DMD: variants seen among roughly 807,000 people sequenced by gnomAD.
DMD encodes the protein dystrophin.
DMD carries 63 observed loss-of-function variants against 330.1 expected under a neutral mutation model. The ratio of observed to expected loss-of-function variants is 0.19; its 90% CI spans 0.16 to 0.24. The LOEUF is 0.24. DMD is among the 10% of genes least tolerant of loss of function. The pLI is 1.00. For missense variants in DMD, 3,344 were observed against 2,684.1 expected, an observed-to-expected ratio of 1.25 and a Z score of -5.43; for synonymous variants, 1,223 against 959.8, an observed-to-expected ratio of 1.27 and a Z score of -5.07.
At chrX:32,750,705 A>T (rs779021737) in intron 7 of DMD, among the ~76,000 whole-genome samples, 1 of 110,583 alleles carries the variant, frequency 9.0e-6, no homozygotes, top group African/African-American at 3.3e-5. Flanking sequence ...TTGTCCTCCT[A>T]TTTGGTGTGC....
chrX:32,669,769 G>A (rs893806430), intron 9 of DMD, among the ~76,000 whole-genome samples: 12 of 110,965 alleles, frequency 1.1e-4, no homozygotes, highest in Admixed American at 1.9e-4. Context: ...AGCTTCATAA[G>A]TCCCAGGGTT....
At chrX:32,462,535 A>C (rs1484489681) in intron 25 of DMD, among the ~76,000 whole-genome samples, 1 of 111,824 alleles carries the variant, frequency 8.9e-6, no homozygotes, top group African/African-American at 3.2e-5. Context: ...AATATAAGAG[A>C]GATATCTATA....
At position 32,649,559 on chromosome X, in the gene DMD, T is replaced by TAA. The variant is rs1161462889; in HGVS notation, c.961-4409_961-4408dup. On this transcript the variant is annotated intron_variant, in intron 9 of 78. Coordinates refer to ENST00000357033, the MANE Select transcript of DMD (RefSeq NM_004006.3). Reference sequence around the variant, plus strand: ...CAAAACAGCAAGACTCCGTCTCTTTTAAAAAAAAAAAAAAAAAAAAAAAAG... The same window carrying TAA: ...CAAAACAGCAAGACTCCGTCTCTTTTAAAAAAAAAAAAAAAAAAAAAAAAAAG... 4.5e-3 allele frequency among the ~76,000 whole-genome samples: 244 copies of TAA among 54,235 alleles called. 3 individuals are homozygous for TAA. The highest frequency in any genetic ancestry group is 9.9e-3 in the Middle Eastern group (1 of 101). 47.1% of individuals were successfully genotyped at this position (54,235 alleles called of 115,157 possible).
chrX:32,311,809 TTGAA>T (rs1158594500), intron 41 of DMD, among the ~76,000 whole-genome samples: 110 of 112,020 alleles, frequency 9.8e-4, no homozygotes, highest in Non-Finnish European at 2.6e-4. Flanking sequence ...AGCAGGCTAT[TTGAA>T]TGTGAAATTT....
intron 60 of DMD, among the ~76,000 whole-genome samples, chrX:31,430,489 G>A (rs1378004847): frequency 9.0e-6 from 1 of 111,547 alleles, no homozygotes; most frequent in Non-Finnish European, 1.9e-5. Context: ...CAGTGGCAAA[G>A]GGGCCACCAC....
At chrX:31,797,350 C>T (rs1437414189) in intron 50 of DMD, among the ~76,000 whole-genome samples, 5 of 110,225 alleles carry the variant, frequency 4.5e-5, no homozygotes, top group Non-Finnish European at 5.7e-5. Context: ...TGTGCAATCT[C>T]AGAAACTAAC....
chrX:33,079,866 C>T (rs779889763), intron 1 of DMD, among the ~76,000 whole-genome samples: 1 of 111,495 alleles, frequency 9.0e-6, no homozygotes, highest in Admixed American at 9.6e-5. Context: ...CCAATAAAGA[C>T]AGCATGAGGA....
At chrX:32,834,383 T>A (rs2079424174) in intron 4 of DMD, among the ~76,000 whole-genome samples, 1 of 111,916 alleles carries the variant, frequency 8.9e-6, no homozygotes, top group Non-Finnish European at 1.9e-5. Context: ...AAATATGTAT[T>A]ATATGGCTAT....
At chrX:31,411,896 C>G (rs1476278104) in intron 60 of DMD, among the ~76,000 whole-genome samples, 1 of 110,658 alleles carries the variant, frequency 9.0e-6, no homozygotes, top group East Asian at 2.9e-4. Flanking sequence ...CAGAGATGAT[C>G]TGGCTGGGCG....
chrX:32,327,138 C>A (rs183250789), intron 41 of DMD, among the ~76,000 whole-genome samples: 1 of 107,638 alleles, frequency 9.3e-6, no homozygotes, highest in African/African-American at 3.4e-5. Flanking sequence ...GCTATTATCT[C>A]CTGTTTCAGT....
chrX:32,342,833 G>A (rs778302740), intron 40 of DMD: 42 of 380,192 alleles, frequency 1.1e-4, no homozygotes, highest in Admixed American at 1.8e-4. Flanking sequence ...TCCATATACC[G>A]ATAAGTCATT....
chrX:32,892,403 G>T (rs1352707846), intron 2 of DMD, among the ~76,000 whole-genome samples: 1 of 111,295 alleles, frequency 9.0e-6, no homozygotes, highest in Admixed American at 9.6e-5. Flanking sequence ...TTTGTTTTTT[G>T]TTTCTTTGAG....
At chrX:32,280,541 A>G (rs1356095810) in intron 43 of DMD, among the ~76,000 whole-genome samples, 1 of 111,437 alleles carries the variant, frequency 9.0e-6, no homozygotes, top group Non-Finnish European at 1.9e-5. Flanking sequence ...GGTAGAGATT[A>G]ATTCTAAGAC....
chrX:31,489,704 A>G (rs2069107418), intron 57 of DMD, among the ~76,000 whole-genome samples: 1 of 112,024 alleles, frequency 8.9e-6, no homozygotes, highest in Non-Finnish European at 1.9e-5. Context: ...TAGGAATCTG[A>G]GTTATGGTAT....
intron 44 of DMD, among the ~76,000 whole-genome samples, chrX:32,138,495 A>ATG (rs1323880110): frequency 8.9e-6 from 1 of 112,185 alleles, no homozygotes; most frequent in Non-Finnish European, 1.9e-5. Context: ...CTCTACTTGC[A>ATG]TGTGAGTTCT....
At chrX:31,618,934 G>C (rs2078371462) in intron 55 of DMD, among the ~76,000 whole-genome samples, 1 of 110,960 alleles carries the variant, frequency 9.0e-6, no homozygotes, top group African/African-American at 3.3e-5. Flanking sequence ...CAAGTGTTTT[G>C]GATAAGGGAT....
At chrX:32,010,465 C>T (rs1352801177) in intron 44 of DMD, among the ~76,000 whole-genome samples, 1 of 111,476 alleles carries the variant, frequency 9.0e-6, no homozygotes, top group Non-Finnish European at 1.9e-5. Context: ...TAAACATTTA[C>T]CAGCAAACCA....
At chrX:32,359,754 G>C (rs1314966282) in intron 37 of DMD, among the ~76,000 whole-genome samples, 1 of 110,912 alleles carries the variant, frequency 9.0e-6, no homozygotes, top group Non-Finnish European at 1.9e-5. Flanking sequence ...CATGTTCTAT[G>C]AGCATAATTT....
intron 2 of DMD, among the ~76,000 whole-genome samples, chrX:33,003,849 G>C (rs1291261008): frequency 8.9e-6 from 1 of 112,097 alleles, no homozygotes; most frequent in Admixed American, 9.5e-5. Context: ...ATATTAACAG[G>C]ACATTGCTGA....
Sources: allele counts gnomAD v4.1 joint callset (sites outside exome capture counted in the v4.1 genomes callset), GRCh38; gene constraint gnomAD v4.1.1; transcripts MANE v1.5; gene names NCBI Gene and HGNC (gene_info 2026-07-23, HGNC 2026-07-21).